The following COG6 variants were observed in gnomAD, a reference collection of about 807,000 sequenced individuals.
The protein encoded by COG6 is conserved oligomeric Golgi complex subunit 6.
COG6 carries 74 observed loss-of-function variants against 88.8 expected under a neutral mutation model. The ratio of observed to expected loss-of-function variants is 0.83; its 90% CI spans 0.69 to 1.01. The LOEUF (loss-of-function observed/expected upper bound fraction) is 1.01. COG6 is among the 50% of genes least tolerant of loss of function. The pLI, the probability that COG6 is intolerant of heterozygous loss-of-function variation, is 0.00. For missense variants in COG6, 800 were observed against 797.9 expected, an observed-to-expected ratio of 1.00 and a Z score of -0.03; for synonymous variants, 286 against 278.7, an observed-to-expected ratio of 1.03 and a Z score of -0.26.
intron 7 of COG6, 30 bp downstream of exon 7, chr13:39,680,075 T>G: frequency 7.7e-7 from 1 of 1,292,918 alleles, no homozygotes; most frequent in Non-Finnish European, 1.1e-6. Flanking sequence ...TTGTCTAGAT[T>G]CATGAACATT....
intron 18 of COG6, among the ~76,000 whole-genome samples, chr13:39,733,066 C>T (rs1263972452): frequency 6.7e-6 from 1 of 148,262 alleles, no homozygotes; most frequent in African/African-American, 2.5e-5. Context: ...TTTAAATGAT[C>T]GATCAAAAAA....
At chr13:39,746,228 A>G (rs534241016) in intron 18 of COG6, among the ~76,000 whole-genome samples, 149 of 151,836 alleles carry the variant, frequency 9.8e-4, no homozygotes, top group African/African-American at 3.1e-3. Context: ...AACTTAAAGT[A>G]TCATTAAAAA....
chr13:39,704,655 A>G (rs187607330), intron 13 of COG6, among the ~76,000 whole-genome samples: 19 of 152,284 alleles, frequency 1.2e-4, no homozygotes, highest in Admixed American at 2.0e-4. Context: ...TTTAAGGGTC[A>G]TCTGTAATGG....
At chr13:39,734,890 A>G (rs879870840) in intron 18 of COG6, among the ~76,000 whole-genome samples, 10 of 151,588 alleles carry the variant, frequency 6.6e-5, no homozygotes, top group South Asian at 4.2e-4. Flanking sequence ...CTTCAAATCT[A>G]TTTTTTCTGA....
rs1383008740 is a variant in COG6, at chr13:39,655,871, A to G, written c.145A>G (p.Asn49Asp). 6.2e-7 allele frequency: 1 copy of G among 1,607,208 alleles called. No homozygotes were observed. The highest frequency in any genetic ancestry group is 8.5e-7 in the Non-Finnish European group (1 of 1,177,922). The change falls in exon 1 of 19, where the codon AAC becomes GAC. Residue 49 changes from asparagine (N) to aspartate (D), a missense_variant. Physicochemically the swap from Asn to Asp is conservative, Grantham distance 23. Coordinates refer to ENST00000455146, the MANE Select transcript of COG6 (RefSeq NM_020751.3). The part of the protein sequence containing the change: ...LHKILETRLD[N>D]DKEMLEALKA... ...TAAGATCCTGGAGACGCGGCTGGAC[A>G]ACGACAAGGTAACCGGGGCTGGCGG...
At chr13:39,745,234 G>T (rs1005234413) in intron 18 of COG6, among the ~76,000 whole-genome samples, 1 of 152,102 alleles carries the variant, frequency 6.6e-6, no homozygotes, top group Non-Finnish European at 1.5e-5. Flanking sequence ...AGCCAAAGTA[G>T]GAAAATAGGA....
intron 4 of COG6, among the ~76,000 whole-genome samples, chr13:39,676,562 G>C (rs1381837966): frequency 2.0e-5 from 3 of 151,996 alleles, no homozygotes; most frequent in Non-Finnish European, 4.4e-5. Context: ...ATTCAACTTT[G>C]AATTTAAAAC....
At chr13:39,790,468 T>C (rs954064552) in exon 19 of COG6, 2 of 152,194 alleles carry the variant, frequency 1.3e-5, no homozygotes, top group African/African-American at 2.4e-5. Flanking sequence ...ATGAGTCTAG[T>C]ATCTGTAGAT....
At chr13:39,664,651 A>G (rs1274190692) in intron 3 of COG6, among the ~76,000 whole-genome samples, 1 of 152,182 alleles carries the variant, frequency 6.6e-6, no homozygotes, top group African/African-American at 2.4e-5. Flanking sequence ...GTATATTACA[A>G]CTTTCAAACT....
At chr13:39,665,393 T>G (rs775520563) in intron 4 of COG6, among the ~76,000 whole-genome samples, 3 of 152,290 alleles carry the variant, frequency 2.0e-5, no homozygotes, top group Non-Finnish European at 2.9e-5. Context: ...TGATGTATCG[T>G]TATTGTTTGC....
At chr13:39,662,505 A>G (rs983331838) in intron 3 of COG6, among the ~76,000 whole-genome samples, 1 of 152,034 alleles carries the variant, frequency 6.6e-6, no homozygotes, top group East Asian at 1.9e-4. Context: ...TTCTTTCTTT[A>G]TTCAGATCAA....
intron 13 of COG6, among the ~76,000 whole-genome samples, chr13:39,717,615 A>G (rs1253683913): frequency 6.6e-6 from 1 of 152,016 alleles, no homozygotes; most frequent in Non-Finnish European, 1.5e-5. Context: ...ACCTGTAATG[A>G]TAGCATTTTG....
In COG6 at chr13:39,712,667, G is replaced by A. The variant is rs1878306887; in HGVS notation, c.1285-6569G>A. Among the ~76,000 whole-genome samples, 3 of 152,180 alleles carry A rather than the reference G, an allele frequency of 2.0e-5. No homozygotes were observed. The South Asian group carries it at 6.2e-4, about 31-fold the overall frequency. On this transcript the variant is annotated intron_variant, in intron 13 of 18. Transcript: ENST00000455146. ...CCTTGTACTTTGGATTTAAAAACAA[G>A]CAAAGATGTTTGCTTATTGTCCCTA... is the stretch of plus-strand genomic sequence containing the variant.
chr13:39,751,059 G>C lies in COG6; in HGVS notation c.1940G>C (p.Arg647Pro). The C allele has an allele frequency of 6.2e-7, 1 of 1,613,662 alleles. No individual in the cohort carries two copies. The highest frequency in any genetic ancestry group is 1.1e-5 in the South Asian group (1 of 91,052). Residue 647 changes from arginine (R) to proline (P), a missense_variant, in exon 19 of 19, where the codon CGA (arginine) becomes CCA (proline). Arg to Pro is a moderately radical substitution (Grantham distance 103). Transcript: ENST00000455146. The part of the protein sequence containing the change: ...EYKDPENILH[R>P]SPQQVQTLLS ...AAAGATCCAGAGAACATTCTTCACC[G>C]ATCGCCGCAGCAAGTGCAGACGCTT...
intron 18 of COG6, among the ~76,000 whole-genome samples, chr13:39,772,565 A>G (rs1028823360): frequency 2.6e-5 from 4 of 152,192 alleles, no homozygotes; most frequent in Non-Finnish European, 5.9e-5. Flanking sequence ...TTAAAGTTAG[A>G]GGAGCTGTCA....
At chr13:39,712,067 C>T (rs1047503753) in intron 13 of COG6, among the ~76,000 whole-genome samples, 1 of 152,182 alleles carries the variant, frequency 6.6e-6, no homozygotes, top group African/African-American at 2.4e-5. Flanking sequence ...GCCATATTGG[C>T]CAGGTTGGTC....
intron 4 of COG6, among the ~76,000 whole-genome samples, chr13:39,674,380 G>A (rs754285894): frequency 6.6e-6 from 1 of 152,016 alleles, no homozygotes; most frequent in Non-Finnish European, 1.5e-5. Flanking sequence ...AAATTATTTG[G>A]TGTAGGTGAA....
chr13:39,700,021 T>G (rs1417707476), intron 13 of COG6, among the ~76,000 whole-genome samples: 1 of 151,842 alleles, frequency 6.6e-6, no homozygotes, highest in Non-Finnish European at 1.5e-5. Flanking sequence ...CCTTATGAAA[T>G]GTATGCTCCT....
chr13:39,668,122 C>CT (rs1228138398), intron 4 of COG6, among the ~76,000 whole-genome samples: 1 of 151,668 alleles, frequency 6.6e-6, no homozygotes, highest in Non-Finnish European at 1.5e-5. Flanking sequence ...GTATCCACAC[C>CT]TTATCACAGT....
Sources: allele counts gnomAD v4.1 joint callset (sites outside exome capture counted in the v4.1 genomes callset), GRCh38; gene constraint gnomAD v4.1.1; transcripts MANE v1.5; gene names NCBI Gene and HGNC (gene_info 2026-07-23, HGNC 2026-07-21).